Variants in NDUFAF6 observed in about 807,000 individuals in gnomAD.
NDUFAF6 encodes NADH dehydrogenase (ubiquinone) complex I, assembly factor 6.
NDUFAF6 carries 45 observed loss-of-function variants against 40.8 expected under a neutral mutation model. That is an observed-to-expected ratio of 1.10 (90% CI 0.87 to 1.42). The LOEUF (loss-of-function observed/expected upper bound fraction) is 1.42. NDUFAF6 is among the 40% of genes most tolerant of loss of function. The pLI, the probability that NDUFAF6 is intolerant of heterozygous loss-of-function variation, is 0.00. For missense variants in NDUFAF6, 435 were observed against 418.5 expected (o/e 1.04, Z -0.34); for synonymous variants, 185 against 155.9 (o/e 1.19, Z -1.39).
At chr8:95,038,960 C>T (rs1418226780) in intron 3 of NDUFAF6, among the ~76,000 whole-genome samples, 1 of 150,282 alleles carries the variant, frequency 6.7e-6, no homozygotes, top group African/African-American at 2.4e-5. Flanking sequence ...TCAGCTACCG[C>T]ACCTGGCCTA....
At chr8:95,075,617 T>C in intron 9 of NDUFAF6, 1 of 1,288,198 alleles carries the variant, frequency 7.8e-7, no homozygotes, top group Non-Finnish European at 1.0e-6. Context: ...ATAAGTGTCC[T>C]CTTTCCTCTC....
At chr8:95,069,549 G>A (rs1378179689) in intron 9 of NDUFAF6, among the ~76,000 whole-genome samples, 3 of 151,484 alleles carry the variant, frequency 2.0e-5, no homozygotes, top group Non-Finnish European at 4.4e-5. Flanking sequence ...GGAGGCCAAG[G>A]TGGGAGGATT....
chr8:94,950,675 A>G (rs1306953738), intron 2 of NDUFAF6: 1 of 152,210 alleles, frequency 6.6e-6, no homozygotes, highest in Non-Finnish European at 1.5e-5. Context: ...AGACTTGAAC[A>G]TGCTTTGGAT....
chr8:94,910,133 G>A (rs1563701244), intron 1 of NDUFAF6, among the ~76,000 whole-genome samples: 1 of 151,980 alleles, frequency 6.6e-6, no homozygotes, highest in African/African-American at 2.4e-5. Flanking sequence ...TGCCCATTTA[G>A]GAACTTTTTT....
At chr8:95,023,896 C>T (rs1026638570), upstream of NDUFAF6, among the ~76,000 whole-genome samples, 4 of 151,342 alleles carry the variant, frequency 2.6e-5, no homozygotes, top group African/African-American at 4.9e-5. Context: ...GAGGCTGAGG[C>T]GGGAGAATCG....
intron 6 of NDUFAF6, 45 bp downstream of exon 6, chr8:95,047,172 T>C: frequency 6.2e-7 from 1 of 1,613,608 alleles, no homozygotes. Context: ...CTCAGGAATA[T>C]GGGGAAGGAA....
chr8:95,043,814 A>G (rs527605486), intron 4 of NDUFAF6, among the ~76,000 whole-genome samples: 9 of 152,336 alleles, frequency 5.9e-5, no homozygotes, highest in African/African-American at 2.2e-4. Flanking sequence ...GCTGCTTTGG[A>G]AAAATAGTTT....
intron 2 of NDUFAF6, among the ~76,000 whole-genome samples, chr8:95,016,958 G>A (rs1827480138): frequency 7.0e-6 from 1 of 143,170 alleles, no homozygotes; most frequent in Non-Finnish European, 1.5e-5. Context: ...TTTTGAGACA[G>A]GGTCTTGCTC....
chr8:95,023,346 T>C (rs1171266150), upstream of NDUFAF6: 1 of 152,170 alleles, frequency 6.6e-6, no homozygotes, highest in Non-Finnish European at 1.5e-5. Flanking sequence ...AAAACCAAAG[T>C]TGCATGAATT....
chr8:94,950,326 A>C (rs1822478783), intron 2 of NDUFAF6: 1 of 152,318 alleles, frequency 6.6e-6, no homozygotes, highest in African/African-American at 2.4e-5. Context: ...GCTCTGTCCC[A>C]CATATAGGTG....
intron 2 of NDUFAF6, among the ~76,000 whole-genome samples, chr8:94,997,289 GACACACACACAC>G (rs57953301): frequency 0.01 from 962 of 94,678 alleles, 8 homozygotes; most frequent in African/African-American, 0.03. Flanking sequence ...CAAGAAGAAA[GACACACACACAC>G]ACACACACAC....
intron 2 of NDUFAF6, among the ~76,000 whole-genome samples, chr8:95,011,992 T>C (rs887010152): frequency 6.6e-6 from 1 of 152,210 alleles, no homozygotes. Context: ...GGTTCCTAAA[T>C]GTGGAATTTT....
downstream of NDUFAF6, among the ~76,000 whole-genome samples, chr8:95,117,243 T>C (rs1810153728): frequency 2.0e-5 from 3 of 152,132 alleles, no homozygotes; most frequent in Admixed American, 1.3e-4. Flanking sequence ...AGTAAATGGA[T>C]GCAAGGAGGC....
chr8:95,104,873 C>A (rs117215605), downstream of NDUFAF6, among the ~76,000 whole-genome samples: 47 of 152,046 alleles, frequency 3.1e-4, no homozygotes, highest in African/African-American at 1.1e-3. Flanking sequence ...AGATGAGCTG[C>A]GGCAGCCAGA....
At chr8:94,954,055 T>C (rs1260134598), upstream of NDUFAF6, among the ~76,000 whole-genome samples, 1 of 151,950 alleles carries the variant, frequency 6.6e-6, no homozygotes, top group East Asian at 1.9e-4. Flanking sequence ...TTTTGCAAGA[T>C]GAATTTTTTT....
chr8:95,066,822 C>T (rs1473168313), intron 9 of NDUFAF6: 4 of 152,132 alleles, frequency 2.6e-5, no homozygotes, highest in Non-Finnish European at 4.4e-5. Flanking sequence ...CTTGACTATC[C>T]ATTTTGTTTT....
intron 1 of NDUFAF6, among the ~76,000 whole-genome samples, chr8:94,897,791 C>T (rs149651314): frequency 6.8e-6 from 1 of 147,660 alleles, no homozygotes; most frequent in African/African-American, 2.5e-5. Context: ...TCTTACAGGA[C>T]AAAAATTACT....
chr8:95,105,620 G>A (rs1809822068), downstream of NDUFAF6, among the ~76,000 whole-genome samples: 1 of 151,978 alleles, frequency 6.6e-6, no homozygotes, highest in African/African-American at 2.4e-5. Flanking sequence ...TCCTGCCTCG[G>A]CCTTCTGAGT....
chr8:95,101,701 A>T (rs1159897837), intron 2 of NDUFAF6, among the ~76,000 whole-genome samples: 2 of 152,230 alleles, frequency 1.3e-5, no homozygotes, highest in African/African-American at 4.8e-5. Context: ...TTCCTAGGTA[A>T]ACATTTCTTG....
Sources: gnomAD v4.1 joint callset for allele counts (sites outside exome capture counted in the v4.1 genomes callset) on GRCh38, gnomAD v4.1.1 for gene constraint, MANE v1.5 for transcripts, NCBI Gene and HGNC (gene_info 2026-07-23, HGNC 2026-07-21) for gene names.